The following LYPD1 variants were observed in gnomAD, a reference collection of about 807,000 sequenced individuals.
The protein encoded by LYPD1 is ly6/PLAUR domain-containing protein 1.
In LYPD1, 14 loss-of-function variants were observed where a neutral mutation model predicts 14.2. That is an observed-to-expected ratio of 0.99 (90% CI 0.65 to 1.54). The LOEUF (loss-of-function observed/expected upper bound fraction) is 1.54, where lower values mean the gene tolerates loss of function less well. Ranked by LOEUF, LYPD1 falls within the 40% of genes most tolerant of loss-of-function variation. The probability of loss-of-function intolerance (pLI) is 0.00; values close to 1 mark genes in which losing one functional copy is unlikely to be tolerated. For missense variants in LYPD1, 165 were observed against 175.7 expected (o/e 0.94, Z 0.34); for synonymous variants, 85 against 70.6 (o/e 1.20, Z -1.02).
chr2:132,659,345 G>C (rs577892528), intron 2 of LYPD1, among the ~76,000 whole-genome samples: 68 of 152,230 alleles, frequency 4.5e-4, no homozygotes, highest in African/African-American at 1.6e-3. Flanking sequence ...GGAAGGTGAG[G>C]TAGAGAGAGA....
chr2:132,647,842 G>A (rs961426854), intron 2 of LYPD1, among the ~76,000 whole-genome samples: 11 of 152,132 alleles, frequency 7.2e-5, no homozygotes, highest in African/African-American at 1.9e-4. Context: ...CTCCGTCCTC[G>A]AGAATTGCCA....
In LYPD1 at chr2:132,646,295, C is replaced by A; in HGVS notation, c.191-15G>T. ...GTACATGATCCCTGTAACACAGACC[C>A]AAAGGAGCTGAGTTAACGTGCACCG... On this transcript the variant is annotated splice_polypyrimidine_tract_variant and intron_variant, in intron 2 of 2. Coordinates refer to ENST00000397463, the MANE Select transcript of LYPD1 (RefSeq NM_144586.7). The A allele has an allele frequency of 6.9e-7, 1 of 1,442,014 alleles. No individual in the cohort carries two copies. The highest frequency in any genetic ancestry group is 9.2e-7 in the Non-Finnish European group (1 of 1,088,514). The allele number at this position is 1,442,014 out of a possible 1,614,324, so 89.3% of individuals were successfully genotyped here. A position where few individuals can be genotyped will look rare whatever the true frequency, so the allele number is the denominator to read the frequency against.
chr2:132,645,687 AT>A lies in LYPD1; in HGVS notation c.*357del. The A allele has an allele frequency of 1.3e-6, 2 of 1,519,430 alleles. No individual in the cohort carries two copies. Among genetic ancestry groups the A allele is most frequent in the South Asian group, 2.6e-5 (2 of 76,360 alleles). The allele number at this position is 1,519,430 out of a possible 1,614,324, so 94.1% of individuals were successfully genotyped here. On this transcript the variant is annotated 3_prime_UTR_variant, in exon 3 of 3. Coordinates refer to ENST00000397463, the MANE Select transcript of LYPD1 (RefSeq NM_144586.7). ...CACTCTCACTCTGCAGTCTCAAACT[AT>A]GCCCCCATCAGGGATGGAATGGACA...
At position 132,669,487 on chromosome 2, in the gene LYPD1, A is replaced by G. The variant is rs970379763; in HGVS notation, c.52+394T>C. ...AGCGTGGCCGCAGGCTGCCTCGCGCATCGCTCACCTGTCGGCGGCGCCACT... is the reference window on the plus strand; with the variant it reads ...AGCGTGGCCGCAGGCTGCCTCGCGCGTCGCTCACCTGTCGGCGGCGCCACT... On this transcript the variant is annotated intron_variant, in intron 1 of 2. Transcript: ENST00000397463. This position sits in a 1 kb window ranked among gnomAD's most constrained non-coding sequence, Gnocchi z 4.3. Among the ~76,000 whole-genome samples the G allele has an allele frequency of 5.3e-5, 8 of 151,814 alleles. No homozygotes were observed. The highest frequency in any genetic ancestry group is 1.0e-4 in the Non-Finnish European group (7 of 67,934).
intron 1 of LYPD1, among the ~76,000 whole-genome samples, chr2:132,668,817 G>A (rs1259770645): frequency 6.6e-6 from 1 of 152,200 alleles, no homozygotes; most frequent in Admixed American, 6.5e-5. Context: ...TTCCCAAGAA[G>A]TTGAAGGGAG....
chr2:132,665,875 C>A (rs926560072), intron 2 of LYPD1, among the ~76,000 whole-genome samples: 1 of 152,174 alleles, frequency 6.6e-6, no homozygotes, highest in African/African-American at 2.4e-5. Context: ...GCATCTTTAA[C>A]TAGGAGTCAC....
At chr2:132,650,729 A>C (rs200712362) in intron 2 of LYPD1, among the ~76,000 whole-genome samples, 105 of 136,018 alleles carry the variant, frequency 7.7e-4, no homozygotes, top group South Asian at 1.5e-3. Flanking sequence ...AAAAAAAAAC[A>C]AAAAACAAAA....
chr2:132,662,389 T>C (rs1558885425), intron 2 of LYPD1, among the ~76,000 whole-genome samples: 1 of 152,200 alleles, frequency 6.6e-6, no homozygotes, highest in African/African-American at 2.4e-5. Flanking sequence ...TTAAGTAAAC[T>C]CTTTCAAGTT....
chr2:132,648,650 C>T (rs1294507849), intron 2 of LYPD1, among the ~76,000 whole-genome samples: 4 of 152,192 alleles, frequency 2.6e-5, no homozygotes, highest in Non-Finnish European at 4.4e-5. Context: ...GAGCCATAAT[C>T]TTTACAACTG....
In LYPD1 at chr2:132,669,062, T is replaced by C. The variant is rs895898090; in HGVS notation, c.53-525A>G. On this transcript the variant is annotated intron_variant, in intron 1 of 2. Transcript: ENST00000397463. The surrounding 1 kb of genome is among the most constrained non-coding windows in gnomAD (Gnocchi z 4.3). The stretch of plus-strand genomic sequence containing the variant: ...CCCTGAGCGACCACCTGGGAACAAC[T>C]TGGGTGGAGGTGCCAGACGCCAAGC... Among the ~76,000 whole-genome samples the C allele has an allele frequency of 5.3e-5, 8 of 152,194 alleles. No individual in the cohort carries two copies. Among genetic ancestry groups the C allele is most frequent in the Non-Finnish European group, 1.2e-4 (8 of 68,036 alleles).
Position 132,654,740 on chromosome 2 carries a change from C to CATTT in LYPD1, c.191-8464_191-8461dup, listed in dbSNP as rs67623007. 3.6e-3 allele frequency among the ~76,000 whole-genome samples: 537 copies of CATTT among 149,896 alleles called. 5 individuals carry two copies. Among genetic ancestry groups the CATTT allele is most frequent in the East Asian group, 0.015 (75 of 5,020 alleles). ...TTAGTGTGACTCCTGGCCTCTTTCC[C>CATTT]ATTTATTTATTTATTTATTTATTTA... On this transcript the variant is annotated intron_variant, in intron 2 of 2. Transcript: ENST00000397463.
In LYPD1 at chr2:132,646,205, GAGC is replaced by G; in HGVS notation, c.263_265del (p.Cys88del). The G allele has an allele frequency of 6.2e-7, 1 of 1,607,198 alleles. No homozygotes were observed. Among genetic ancestry groups the G allele is most frequent in the East Asian group, 2.2e-5 (1 of 44,594 alleles). On this transcript the variant is annotated inframe_deletion, in exon 3 of 3. Coordinates refer to ENST00000397463, the MANE Select transcript of LYPD1 (RefSeq NM_144586.7). ...GCAAACTGAGTTCAGTTTCCCTGGG[GAGC>G]AGAAGGACTGGTACCCGGCAGAGGC...
Position 132,669,773 on chromosome 2 carries a change from C to A in LYPD1, c.52+108G>T. ...GCGGCCGCCAACTCCCGCTGGGCAG[C>A]CCCAGCGCAGGGCTGGCCCCGAGGT... On this transcript the variant is annotated intron_variant, in intron 1 of 2. Transcript: ENST00000397463. This position sits in a 1 kb window ranked among gnomAD's most constrained non-coding sequence, Gnocchi z 4.3. The A allele has an allele frequency of 6.6e-7, 1 of 1,510,036 alleles. No homozygotes were observed. Among genetic ancestry groups the A allele is most frequent in the Non-Finnish European group, 8.8e-7 (1 of 1,135,854 alleles). 93.5% of individuals were successfully genotyped at this position (1,510,036 alleles called of 1,614,324 possible).
At chr2:132,646,432 T>TGATA in intron 2 of LYPD1, 152 bp from the exon 3 acceptor site, 1 of 429,118 alleles carries the variant, frequency 2.3e-6, no homozygotes, top group East Asian at 3.5e-5. Context: ...ATTGTCTCAT[T>TGATA]GATATTCAAG....
chr2:132,650,708 C>T (rs1385207127), intron 2 of LYPD1, among the ~76,000 whole-genome samples: 1 of 127,804 alleles, frequency 7.8e-6, no homozygotes, highest in African/African-American at 3.2e-5. Context: ...CTTCCTCCTC[C>T]TTCCTTTAAA....
chr2:132,659,680 G>T (rs1682814607), intron 2 of LYPD1, among the ~76,000 whole-genome samples: 1 of 152,192 alleles, frequency 6.6e-6, no homozygotes, highest in Non-Finnish European at 1.5e-5. Context: ...TAACTCATCA[G>T]CCTCCAGGTG....
intron 2 of LYPD1, among the ~76,000 whole-genome samples, chr2:132,663,800 G>T (rs923643688): frequency 1.3e-5 from 2 of 152,120 alleles, no homozygotes; most frequent in Non-Finnish European, 2.9e-5. Flanking sequence ...AATGGAGGAC[G>T]CTGGAAGATT....
In LYPD1 at chr2:132,645,237, G is replaced by A. The variant is rs2104885963; in HGVS notation, c.*808C>T. 6.2e-7 allele frequency: 1 copy of A among 1,614,154 alleles called. No homozygotes were observed. The highest frequency in any genetic ancestry group is 2.2e-5 in the East Asian group (1 of 44,880). ...TGATCCTCCTCCCCTTCTCGGAGAC[G>A]TTTTTCTACCTCAGCTCGGTCATCA... On this transcript the variant is annotated 3_prime_UTR_variant, in exon 3 of 3. Transcript: ENST00000397463.
chr2:132,649,736 G>A (rs1682279186), intron 2 of LYPD1, among the ~76,000 whole-genome samples: 1 of 152,126 alleles, frequency 6.6e-6, no homozygotes, highest in Admixed American at 6.5e-5. Flanking sequence ...GCTGCCAGGT[G>A]GGGAGGGCCC....
Sources: allele counts gnomAD v4.1 joint callset (sites outside exome capture counted in the v4.1 genomes callset), GRCh38; gene constraint gnomAD v4.1.1; non-coding constraint Gnocchi (gnomAD v3.1); transcripts MANE v1.5; gene names NCBI Gene and HGNC (gene_info 2026-07-23, HGNC 2026-07-21).